The following PYDC5 variants were observed in gnomAD, a reference collection of about 807,000 sequenced individuals.
PYDC5 encodes the protein pyrin domain-containing protein 5.
the PYDC5 span, among the ~76,000 whole-genome samples, chr1:159,001,118 A>G: frequency 1.3e-5 from 2 of 152,236 alleles, no homozygotes; most frequent in Non-Finnish European, 2.9e-5. Context: ...AACATAGGCA[A>G]TGTATATAAT....
the PYDC5 span, among the ~76,000 whole-genome samples, chr1:159,001,367 G>A: frequency 6.6e-6 from 1 of 152,138 alleles, no homozygotes; most frequent in Non-Finnish European, 1.5e-5. Flanking sequence ...TTTAGGGGAG[G>A]CTCCCATTGA....
At chr1:159,000,146 T>C in the PYDC5 span, 8,177 of 180,668 alleles carry the variant, frequency 0.045, 478 homozygotes, top group East Asian at 0.25. Flanking sequence ...GCAGACACCA[T>C]GCCAGCGTTT....
chr1:159,001,027 A>G, the PYDC5 span, among the ~76,000 whole-genome samples: 6 of 152,202 alleles, frequency 3.9e-5, no homozygotes, highest in African/African-American at 7.2e-5. Flanking sequence ...GGGAAAGTTT[A>G]TTAAATTTGA....
chr1:159,000,242 C>A, the PYDC5 span: 1 of 259,530 alleles, frequency 3.9e-6, no homozygotes, highest in Non-Finnish European at 8.2e-6. Context: ...GCACTTAAAC[C>A]TATCCAGTTC....
At chr1:159,000,345 C>T in the PYDC5 span, 51 of 220,198 alleles carry the variant, frequency 2.3e-4, no homozygotes, top group Non-Finnish European at 4.4e-4. Context: ...GGGATCCAAA[C>T]TATGTAAGAT....
At chr1:159,002,184 A>T in the PYDC5 span, among the ~76,000 whole-genome samples, 1 of 152,278 alleles carries the variant, frequency 6.6e-6, no homozygotes, top group South Asian at 2.1e-4. Context: ...AGTTACCTGG[A>T]ACCAAACAGC....
At chr1:159,000,816 G>C in the PYDC5 span, among the ~76,000 whole-genome samples, 4 of 152,100 alleles carry the variant, frequency 2.6e-5, no homozygotes, top group Non-Finnish European at 5.9e-5. Flanking sequence ...GGCTCATGGG[G>C]GTGGATCCCT....
the PYDC5 span, among the ~76,000 whole-genome samples, chr1:159,001,576 C>T: frequency 6.6e-6 from 1 of 152,118 alleles, no homozygotes; most frequent in Non-Finnish European, 1.5e-5. Context: ...GATTAAACTA[C>T]ATGAACGCCC....
the PYDC5 span, chr1:159,000,474 T>A: frequency 6.5e-6 from 1 of 153,564 alleles, no homozygotes; most frequent in Non-Finnish European, 1.5e-5. Context: ...ATATAAGAAA[T>A]AACTTTTTAA....
At chr1:159,001,904 CA>C in the PYDC5 span, among the ~76,000 whole-genome samples, 3 of 152,104 alleles carry the variant, frequency 2.0e-5, no homozygotes, top group Non-Finnish European at 2.9e-5. Context: ...CTTCATGTCC[CA>C]GGGGTGTACA....
chr1:159,001,083 A>G, the PYDC5 span, among the ~76,000 whole-genome samples: 1 of 152,244 alleles, frequency 6.6e-6, no homozygotes, highest in South Asian at 2.1e-4. Context: ...AAAATTAAAC[A>G]TAATACTTCC....
chr1:159,002,640 T>C, the PYDC5 span, among the ~76,000 whole-genome samples: 3 of 152,394 alleles, frequency 2.0e-5, no homozygotes, highest in South Asian at 2.1e-4. Context: ...ATAGTATAAA[T>C]GCTGTTGCTA....
At chr1:159,002,168 G>A in the PYDC5 span, among the ~76,000 whole-genome samples, 5 of 152,172 alleles carry the variant, frequency 3.3e-5, no homozygotes, top group East Asian at 9.6e-4. Context: ...TAAATTAGGT[G>A]GCATGAGTTA....
the PYDC5 span, chr1:159,000,205 G>T: frequency 4.0e-6 from 1 of 249,402 alleles, no homozygotes. Flanking sequence ...GTTTGCCTGT[G>T]GCAATATTAA....
At chr1:159,001,937 T>C in the PYDC5 span, among the ~76,000 whole-genome samples, 1 of 152,224 alleles carries the variant, frequency 6.6e-6, no homozygotes, top group South Asian at 2.1e-4. Context: ...AGAAGTATGG[T>C]CCTGTACCAT....
At chr1:159,001,559 T>C in the PYDC5 span, among the ~76,000 whole-genome samples, 1 of 152,166 alleles carries the variant, frequency 6.6e-6, no homozygotes, top group Non-Finnish European at 1.5e-5. Context: ...TTTCAAATAC[T>C]TAAAATGATT....
the PYDC5 span, chr1:159,000,174 T>A: frequency 1.4e-5 from 3 of 209,920 alleles, no homozygotes; most frequent in Admixed American, 1.5e-4. Context: ...AGTTGGCTAC[T>A]CGTGCTGTTT....
At chr1:159,001,017 G>T in the PYDC5 span, among the ~76,000 whole-genome samples, 1 of 152,118 alleles carries the variant, frequency 6.6e-6, no homozygotes, top group African/African-American at 2.4e-5. Flanking sequence ...AAGTCAGGAA[G>T]GGAAAGTTTA....
At chr1:159,001,206 C>T in the PYDC5 span, among the ~76,000 whole-genome samples, 1 of 152,162 alleles carries the variant, frequency 6.6e-6, no homozygotes, top group Non-Finnish European at 1.5e-5. Context: ...TGAATAACCA[C>T]GTTACTCAAA....
Sources: allele counts gnomAD v4.1 joint callset (sites outside exome capture counted in the v4.1 genomes callset), GRCh38; gene constraint gnomAD v4.1.1; transcripts MANE v1.5; gene names NCBI Gene and HGNC (gene_info 2026-07-23, HGNC 2026-07-21).